PDE7B: variants seen among roughly 807,000 people sequenced by gnomAD.
The protein encoded by PDE7B is phosphodiesterase 7B.
PDE7B carries 29 observed loss-of-function variants against 56.2 expected under a neutral mutation model. That is an observed-to-expected ratio of 0.52 (90% CI 0.38 to 0.70). The LOEUF (loss-of-function observed/expected upper bound fraction) is 0.70, where lower values mean the gene tolerates loss of function less well. PDE7B is among the 30% of genes least tolerant of loss of function. The pLI, the probability that PDE7B is intolerant of heterozygous loss-of-function variation, is 0.00. For missense variants in PDE7B, 490 were observed against 565.0 expected (o/e 0.87, Z 1.35); for synonymous variants, 197 against 196.9 (o/e 1.00, Z 0.00).
intron 3 of PDE7B, among the ~76,000 whole-genome samples, chr6:136,124,022 A>C (rs1315475656): frequency 6.6e-6 from 1 of 152,170 alleles, no homozygotes; most frequent in Non-Finnish European, 1.5e-5. Flanking sequence ...CTTATTTTTG[A>C]ACTTTCTATT....
intron 2 of PDE7B, among the ~76,000 whole-genome samples, chr6:135,948,687 A>G (rs920006736): frequency 2.6e-5 from 4 of 151,992 alleles, no homozygotes. Flanking sequence ...GATGGTGGCT[A>G]TATAGTAATA....
At chr6:136,163,323 GT>G (rs1229288772) in intron 8 of PDE7B, among the ~76,000 whole-genome samples, 5 of 152,212 alleles carry the variant, frequency 3.3e-5, no homozygotes, top group Non-Finnish European at 7.3e-5. Flanking sequence ...AAGGCTTGGG[GT>G]TGCACCTTCT....
chr6:135,859,791 T>G (rs1437458541), intron 1 of PDE7B, among the ~76,000 whole-genome samples: 1 of 151,946 alleles, frequency 6.6e-6, no homozygotes, highest in Non-Finnish European at 1.5e-5. Context: ...CTATTTAAAA[T>G]ATATTGTCTC....
chr6:135,949,278 T>C (rs1231876354), intron 2 of PDE7B, among the ~76,000 whole-genome samples: 1 of 152,050 alleles, frequency 6.6e-6, no homozygotes, highest in Non-Finnish European at 1.5e-5. Flanking sequence ...CTGTCTTCCA[T>C]GTAAGTTGAT....
intron 2 of PDE7B, among the ~76,000 whole-genome samples, chr6:136,012,279 G>T (rs1390422029): frequency 6.6e-6 from 1 of 152,100 alleles, no homozygotes; most frequent in Non-Finnish European, 1.5e-5. Flanking sequence ...GTCTCTGCTG[G>T]TTTGCTCTCT....
intron 8 of PDE7B, among the ~76,000 whole-genome samples, chr6:136,168,830 T>C (rs912395532): frequency 6.6e-6 from 1 of 152,146 alleles, no homozygotes; most frequent in Non-Finnish European, 1.5e-5. Flanking sequence ...AATGCAAGAA[T>C]TCCAATGTGG....
chr6:135,988,556 T>C (rs1251507483), intron 2 of PDE7B, among the ~76,000 whole-genome samples: 1 of 152,114 alleles, frequency 6.6e-6, no homozygotes, highest in East Asian at 1.9e-4. Flanking sequence ...AGAGAGAATA[T>C]AAAGACCGAA....
intron 2 of PDE7B, among the ~76,000 whole-genome samples, chr6:135,986,661 G>A (rs535052986): frequency 8.1e-4 from 123 of 152,174 alleles, no homozygotes; most frequent in Non-Finnish European, 1.1e-3. Context: ...GAAAAGATAA[G>A]GAAACAGTCA....
rs796928027 is a variant in PDE7B at position 136,122,459 on chromosome 6, C to T, written c.166+13645C>T. Among the ~76,000 whole-genome samples, 28 of 152,256 alleles carry T rather than the reference C, an allele frequency of 1.8e-4. 1 individual carries two copies. Among genetic ancestry groups the T allele is most frequent in the African/African-American group, 6.3e-4 (26 of 41,542 alleles). On this transcript the variant is annotated intron_variant, in intron 3 of 12. Transcript: ENST00000308191. The stretch of plus-strand genomic sequence containing the variant: ...TTTTCCTGGGTATACAGTGAAAACA[C>T]ATTCCCTCTTCAATCCCCTAACCCA...
At chr6:135,930,248 T>G (rs527329433) in intron 1 of PDE7B, among the ~76,000 whole-genome samples, 46 of 152,206 alleles carry the variant, frequency 3.0e-4, no homozygotes, top group African/African-American at 1.1e-3. Flanking sequence ...CTCATGAGAC[T>G]TACTATCATG....
intron 2 of PDE7B, among the ~76,000 whole-genome samples, chr6:136,008,394 C>T (rs1485018641): frequency 1.3e-5 from 2 of 152,182 alleles, no homozygotes; most frequent in Non-Finnish European, 2.9e-5. Context: ...TTCTAGATCC[C>T]TGAGGAATCG....
At chr6:136,172,792 A>G (rs1041499884) in intron 8 of PDE7B, among the ~76,000 whole-genome samples, 1 of 151,964 alleles carries the variant, frequency 6.6e-6, no homozygotes, top group Admixed American at 6.6e-5. Flanking sequence ...TCTTTAATCC[A>G]TCTTGAATTA....
At chr6:135,872,459 A>G (rs1775402512) in intron 1 of PDE7B, among the ~76,000 whole-genome samples, 1 of 152,322 alleles carries the variant, frequency 6.6e-6, no homozygotes, top group East Asian at 1.9e-4. Context: ...CAGAAAAGAT[A>G]TATTTGAGCT....
At chr6:136,093,311 C>A (rs968473130) in intron 2 of PDE7B, among the ~76,000 whole-genome samples, 2 of 152,182 alleles carry the variant, frequency 1.3e-5, no homozygotes, top group Non-Finnish European at 2.9e-5. Flanking sequence ...GGGACTATTT[C>A]GCCCATGGGC....
intron 1 of PDE7B, among the ~76,000 whole-genome samples, chr6:135,946,270 A>G (rs1448852764): frequency 6.6e-6 from 1 of 151,064 alleles, no homozygotes; most frequent in East Asian, 1.9e-4. Flanking sequence ...TATGTATTTC[A>G]TATATACATA....
At chr6:135,869,049 A>C (rs1775321010) in intron 1 of PDE7B, among the ~76,000 whole-genome samples, 1 of 152,204 alleles carries the variant, frequency 6.6e-6, no homozygotes. Flanking sequence ...CAGCAATTTC[A>C]TATGGCCCAA....
chr6:135,985,190 AG>A (rs1488873097), intron 2 of PDE7B, among the ~76,000 whole-genome samples: 1 of 152,164 alleles, frequency 6.6e-6, no homozygotes, highest in Admixed American at 6.5e-5. Context: ...GTTTTCCAAA[AG>A]TTCAGGGGTA....
In PDE7B at chr6:135,973,019, G is replaced by A. The variant is rs541234489; in HGVS notation, c.82+25495G>A. ...AGATCTGCCCTTTTAACAAATGTTT[G>A]AGTGTATATACAGCATTATTGACTA... is the stretch of plus-strand genomic sequence containing the variant. On this transcript the variant is annotated intron_variant, in intron 2 of 12. Coordinates refer to ENST00000308191, the MANE Select transcript of PDE7B (RefSeq NM_018945.4). Among the ~76,000 whole-genome samples, 35 of 152,238 alleles carry A rather than the reference G, an allele frequency of 2.3e-4. 1 individual carries two copies. The South Asian group carries it at 5.2e-3, about 23-fold the overall frequency.
At chr6:136,121,035 G>C (rs539531475) in intron 3 of PDE7B, among the ~76,000 whole-genome samples, 3 of 152,186 alleles carry the variant, frequency 2.0e-5, no homozygotes, top group Admixed American at 6.5e-5. Context: ...TGTGCTCTGT[G>C]GGTAATATCA....
Sources: gnomAD v4.1 joint callset for allele counts (sites outside exome capture counted in the v4.1 genomes callset) on GRCh38, gnomAD v4.1.1 for gene constraint, MANE v1.5 for transcripts, NCBI Gene and HGNC (gene_info 2026-07-23, HGNC 2026-07-21) for gene names.